PAPSS2: variants seen among roughly 807,000 people sequenced by gnomAD.
PAPSS2 encodes the protein bifunctional 3'-phosphoadenosine 5'-phosphosulfate synthase 2.
Under a neutral mutation model 66.5 loss-of-function variants are expected in PAPSS2, and 61 were observed. The ratio of observed to expected loss-of-function variants is 0.92; its 90% CI spans 0.75 to 1.14. The LOEUF (loss-of-function observed/expected upper bound fraction) is 1.14. Among genes scored for constraint, PAPSS2 ranks in the 50% most tolerant of loss-of-function variants. The probability of loss-of-function intolerance (pLI) is 0.00; values close to 1 mark genes in which losing one functional copy is unlikely to be tolerated. For missense variants in PAPSS2, 708 were observed against 789.6 expected (o/e 0.90, Z 1.24); for synonymous variants, 289 against 287.5 (o/e 1.01, Z -0.05).
intron 9 of PAPSS2, among the ~76,000 whole-genome samples, chr10:87,730,306 T>A (rs1853713431): frequency 6.6e-6 from 1 of 152,160 alleles, no homozygotes. Context: ...TATACCATCC[T>A]GAGATTATAG....
chr10:87,668,764 T>C (rs1246478949), intron 1 of PAPSS2, among the ~76,000 whole-genome samples: 1 of 152,094 alleles, frequency 6.6e-6, no homozygotes, highest in Non-Finnish European at 1.5e-5. Flanking sequence ...TATATGACAG[T>C]TGATATACAG....
intron 1 of PAPSS2, among the ~76,000 whole-genome samples, chr10:87,688,682 C>T (rs1440628673): frequency 2.6e-5 from 4 of 152,012 alleles, no homozygotes; most frequent in Non-Finnish European, 5.9e-5. Flanking sequence ...TGGTCTCGAT[C>T]TCCTGACCTC....
chr10:87,722,461 C>T (rs1453998312), intron 8 of PAPSS2, among the ~76,000 whole-genome samples: 1 of 152,138 alleles, frequency 6.6e-6, no homozygotes, highest in African/African-American at 2.4e-5. Flanking sequence ...GAAACAGTCC[C>T]AAACAACCAT....
chr10:87,673,578 A>G (rs1433739650), intron 1 of PAPSS2, among the ~76,000 whole-genome samples: 2 of 148,080 alleles, frequency 1.4e-5, no homozygotes, highest in African/African-American at 5.0e-5. Flanking sequence ...GTATGTATTC[A>G]TGTGTGTGTG....
intron 2 of PAPSS2, among the ~76,000 whole-genome samples, chr10:87,712,616 C>T (rs113713843): frequency 0.013 from 1,996 of 152,088 alleles, 44 homozygotes; most frequent in African/African-American, 0.044. Flanking sequence ...CCACCACACC[C>T]GGCTAATTTT....
At chr10:87,708,717 G>A (rs939947873) in intron 1 of PAPSS2, among the ~76,000 whole-genome samples, 7 of 152,122 alleles carry the variant, frequency 4.6e-5, no homozygotes, top group Admixed American at 3.3e-4. Context: ...GTATTCTAAA[G>A]GCAGTGTTTG....
chr10:87,669,111 G>A (rs771999765), intron 1 of PAPSS2, among the ~76,000 whole-genome samples: 52 of 152,032 alleles, frequency 3.4e-4, no homozygotes, highest in Non-Finnish European at 6.3e-4. Flanking sequence ...TTGATTGGCC[G>A]GACTGTTTCT....
At chr10:87,681,515 T>C (rs1402627865) in intron 1 of PAPSS2, among the ~76,000 whole-genome samples, 1 of 152,210 alleles carries the variant, frequency 6.6e-6, no homozygotes, top group African/African-American at 2.4e-5. Context: ...CATCAAAGAA[T>C]GAAAAGACTT....
At chr10:87,744,714 A>T (rs2131732027) in intron 11 of PAPSS2, among the ~76,000 whole-genome samples, 1 of 152,326 alleles carries the variant, frequency 6.6e-6, no homozygotes, top group Middle Eastern at 3.4e-3. Flanking sequence ...AGTTCTGTAG[A>T]ATAGTAAGAT....
chr10:87,738,325 A>G (rs1022437548), intron 9 of PAPSS2, among the ~76,000 whole-genome samples: 4 of 152,098 alleles, frequency 2.6e-5, no homozygotes, highest in African/African-American at 9.7e-5. Flanking sequence ...ACCTTTTACA[A>G]TCCCACTAAC....
chr10:87,660,005 G>A lies in PAPSS2; in HGVS notation c.24G>A (p.Lys8=), dbSNP rs1852727804. The change falls in exon 1 of 13, where the codon AAG becomes AAA. Residue 8 remains lysine, a synonymous_variant. Coordinates refer to ENST00000456849, the MANE Select transcript of PAPSS2 (RefSeq NM_001015880.2). The part of the protein sequence containing the change: MSGIKKQ[K]TENQQKSTNV... ...GCATGTCGGGGATCAAGAAGCAAAA[G>A]ACGGTAGGCTTCCAGGCGCCGGCTT... is the stretch of plus-strand genomic sequence containing the variant. 6.2e-7 allele frequency: 1 copy of A among 1,613,070 alleles called. No individual in the cohort carries two copies. Among genetic ancestry groups the A allele is most frequent in the South Asian group, 1.1e-5 (1 of 90,962 alleles).
chr10:87,727,042 A>G (rs1381529998), intron 8 of PAPSS2, among the ~76,000 whole-genome samples: 2 of 152,182 alleles, frequency 1.3e-5, no homozygotes, highest in African/African-American at 4.8e-5. Context: ...TATGGAGGCC[A>G]CCTCCATGAT....
At chr10:87,720,741 G>T (rs1189759605) in intron 7 of PAPSS2, among the ~76,000 whole-genome samples, 1 of 109,730 alleles carries the variant, frequency 9.1e-6, no homozygotes, top group Non-Finnish European at 1.8e-5. Context: ...CAGTCCAAAA[G>T]CCAAAAAAAA....
chr10:87,732,134 C>T (rs564799431), intron 9 of PAPSS2, among the ~76,000 whole-genome samples: 23 of 152,214 alleles, frequency 1.5e-4, no homozygotes, highest in African/African-American at 4.6e-4. Flanking sequence ...CAACCATCAC[C>T]CTGATTTGTC....
chr10:87,747,358 AAAGAG>A lies in PAPSS2; in HGVS notation c.*1391_*1395del. The A allele has an allele frequency of 6.6e-6, 1 of 152,310 alleles. No individual in the cohort carries two copies. Among genetic ancestry groups the A allele is most frequent in the East Asian group, 1.9e-4 (1 of 5,180 alleles). The allele number at this position is 152,310 out of a possible 1,614,324, so 9.4% of individuals were successfully genotyped here. ...TCTCTCTGGAAGAGACCTAAATTAG[AAAGAG>A]AAAACTGTGACAATTTTCATATTCT... On this transcript the variant is annotated 3_prime_UTR_variant, in exon 13 of 13. Coordinates refer to ENST00000456849, the MANE Select transcript of PAPSS2 (RefSeq NM_001015880.2).
At chr10:87,692,264 A>G (rs1853181022) in intron 1 of PAPSS2, among the ~76,000 whole-genome samples, 1 of 152,202 alleles carries the variant, frequency 6.6e-6, no homozygotes, top group African/African-American at 2.4e-5. Context: ...GCTGAGTTTC[A>G]GTGGCTCTGG....
At position 87,745,013 on chromosome 10, in the gene PAPSS2, C is replaced by A. The variant is rs1853917842; in HGVS notation, c.1503C>A (p.His501Gln). Residue 501 changes from histidine (H) to glutamine (Q), a missense_variant, in exon 12 of 13, where the codon CAC (histidine) becomes CAA (glutamine). His to Gln is a conservative substitution (Grantham distance 24). Transcript: ENST00000456849. ...LYAGPTEVQW[H>Q]CRSRMIAGAN... ...TGGACATTTTCTAGGTCCAGTGGCACTGCAGGTCCCGGATGATTGCGGGTG... is the reference window on the plus strand; with the variant it reads ...TGGACATTTTCTAGGTCCAGTGGCAATGCAGGTCCCGGATGATTGCGGGTG... 6.2e-7 allele frequency: 1 copy of A among 1,613,962 alleles called. No homozygotes were observed. Among genetic ancestry groups the A allele is most frequent in the African/African-American group, 1.3e-5 (1 of 74,920 alleles).
intron 9 of PAPSS2, 90 bp downstream of exon 9, chr10:87,727,579 G>A: frequency 9.4e-7 from 1 of 1,061,334 alleles, no homozygotes; most frequent in Non-Finnish European, 1.4e-6. Flanking sequence ...AAAGGACTTA[G>A]AAAAACTGGG....
At chr10:87,730,866 C>G (rs1428751674) in intron 9 of PAPSS2, among the ~76,000 whole-genome samples, 1 of 152,110 alleles carries the variant, frequency 6.6e-6, no homozygotes, top group Non-Finnish European at 1.5e-5. Context: ...GAGGTTGGTT[C>G]AAGGGGTTTA....
Sources: allele counts gnomAD v4.1 joint callset (sites outside exome capture counted in the v4.1 genomes callset), GRCh38; gene constraint gnomAD v4.1.1; transcripts MANE v1.5; gene names NCBI Gene and HGNC (gene_info 2026-07-23, HGNC 2026-07-21).